RBSN: variants seen among roughly 807,000 people sequenced by gnomAD.
RBSN encodes rabenosyn-5.
RBSN carries 34 observed loss-of-function variants against 60.5 expected under a neutral mutation model. The observed-to-expected ratio is 0.56, with a 90% CI of 0.43 to 0.75. RBSN has a LOEUF of 0.75. RBSN is among the 30% of genes least tolerant of loss of function. RBSN has a pLI of 0.00. For missense variants in RBSN, 845 were observed against 986.8 expected (o/e 0.86, Z 1.92); for synonymous variants, 322 against 366.9 (o/e 0.88, Z 1.40).
chr3:15,081,206 G>C (rs1351471951), intron 9 of RBSN: 2 of 163,404 alleles, frequency 1.2e-5, no homozygotes, highest in Non-Finnish European at 2.7e-5. Flanking sequence ...GTAGAGACGA[G>C]GTTTTGCCAT....
intron 6 of RBSN, 33 bp downstream of exon 6, chr3:15,085,828 T>C: frequency 6.5e-7 from 1 of 1,534,414 alleles, no homozygotes; most frequent in Non-Finnish European, 9.0e-7. Flanking sequence ...TGTGTATTTG[T>C]AGAAAAAAAT....
At position 15,077,842 on chromosome 3, in the gene RBSN, G is replaced by T. The variant is rs535287264; in HGVS notation, c.998+233C>A. On this transcript the variant is annotated intron_variant, in intron 11 of 13. Coordinates refer to ENST00000253699, the MANE Select transcript of RBSN (RefSeq NM_022340.4). This position sits in a 1 kb window ranked among gnomAD's most constrained non-coding sequence, Gnocchi z 4.4. ...ACAGCCAGTGACTGGCAGGTGATAG[G>T]TGTCAATAACCAGCTCCTCTTTCTT... 6.6e-6 allele frequency among the ~76,000 whole-genome samples: 1 copy of T among 152,334 alleles called. No homozygotes were observed. Among genetic ancestry groups the T allele is most frequent in the East Asian group, 1.9e-4 (1 of 5,192 alleles).
Position 15,073,574 on chromosome 3 carries a change from T to G in RBSN, c.*208A>C. 1 of 508,854 alleles carries G rather than the reference T, an allele frequency of 2.0e-6. No individual in the cohort carries two copies. Among genetic ancestry groups the G allele is most frequent in the African/African-American group, 1.9e-5 (1 of 51,872 alleles). 31.5% of individuals were successfully genotyped at this position (508,854 alleles called of 1,614,324 possible). On this transcript the variant is annotated 3_prime_UTR_variant, in exon 14 of 14. Transcript: ENST00000253699. The stretch of plus-strand genomic sequence containing the variant: ...AGGAAAAGCAGCAACTGAATGCTGA[T>G]TCTCCCTGTTCTAGTTTCTATTTTA...
chr3:15,071,477 C>T lies in RBSN; in HGVS notation c.*2305G>A, dbSNP rs1252429910. On this transcript the variant is annotated 3_prime_UTR_variant, in exon 14 of 14. Transcript: ENST00000253699. Reference sequence around the variant, plus strand: ...CTGTACCAGGCAACATCTTAGATGCCTGGTTGCCAACTTCTCAAAACAACC... The same window carrying T: ...CTGTACCAGGCAACATCTTAGATGCTTGGTTGCCAACTTCTCAAAACAACC... 4 of 152,194 alleles carry T rather than the reference C, an allele frequency of 2.6e-5. No homozygotes were observed. Among genetic ancestry groups the T allele is most frequent in the Admixed American group, 2.6e-4 (4 of 15,280 alleles). The allele number at this position is 152,194 out of a possible 1,614,324, so 9.4% of individuals were successfully genotyped here.
rs768648857 is a variant in RBSN at position 15,096,015 on chromosome 3, C to G, written c.106G>C (p.Glu36Gln). The change falls in exon 4 of 14, where the codon GAA (glutamate) becomes CAA (glutamine). Residue 36 changes from glutamate (E) to glutamine (Q), a missense_variant. Transcript: ENST00000253699. ...FYQLHSHYEEEHSGEDRDVKG... is the reference protein window; with the variant it reads ...FYQLHSHYEEQHSGEDRDVKG... ...ACATCACGGTCTTCCCCTGAGTGTTCTTCCTCGTAATGTGAGTGAAGCTGA... is the reference window on the plus strand; with the variant it reads ...ACATCACGGTCTTCCCCTGAGTGTTGTTCCTCGTAATGTGAGTGAAGCTGA... The G allele has an allele frequency of 2.5e-6, 4 of 1,614,194 alleles. No individual in the cohort carries two copies. The Admixed American group carries it at 6.7e-5, about 27-fold the overall frequency.
chr3:15,095,024 T>TTG lies in RBSN; in HGVS notation c.148+947_148+948dup, dbSNP rs752017388. Among the ~76,000 whole-genome samples the TTG allele has an allele frequency of 8.6e-4, 126 of 146,530 alleles. 1 individual carries two copies. The highest frequency in any genetic ancestry group is 2.8e-3 in the African/African-American group (111 of 39,500). The stretch of plus-strand genomic sequence containing the variant: ...AGCAGCATCTTTGGCGTGTGTGTGT[T>TTG]TGTGTGTGTGTGTGTCTCTCTCTCT... On this transcript the variant is annotated intron_variant, in intron 4 of 13. Transcript: ENST00000253699.
At chr3:15,086,482 T>G (rs1176239970) in intron 5 of RBSN, among the ~76,000 whole-genome samples, 3 of 152,182 alleles carry the variant, frequency 2.0e-5, no homozygotes, top group Non-Finnish European at 1.5e-5. Context: ...TGCCACACAC[T>G]GTGTAACCTT....
chr3:15,073,898 T>C lies in RBSN; in HGVS notation c.2239A>G (p.Lys747Glu). ...TGCTTGGCATCAAAGATGTATGCCT[T>C]GATGTTATCGATCTGCTGCAGGAGG... ...ELLLQQIDNI[K>E]AYIFDAKQCG... The change falls in exon 14 of 14, where the codon AAG becomes GAG. Residue 747 changes from lysine to glutamate, a missense_variant. Transcript: ENST00000253699. 2 of 1,614,100 alleles carry C rather than the reference T, an allele frequency of 1.2e-6. No homozygotes were observed. Among genetic ancestry groups the C allele is most frequent in the Non-Finnish European group, 1.7e-6 (2 of 1,180,008 alleles).
chr3:15,087,067 A>T (rs1374721379), intron 5 of RBSN, among the ~76,000 whole-genome samples: 3 of 152,200 alleles, frequency 2.0e-5, no homozygotes, highest in Non-Finnish European at 2.9e-5. Context: ...GCATATATTC[A>T]CCGTGTACAA....
Position 15,074,859 on chromosome 3 carries a change from C to G in RBSN, c.1278G>C (p.Glu426Asp), listed in dbSNP as rs1475812113. 1.9e-6 allele frequency: 3 copies of G among 1,614,044 alleles called. No individual in the cohort carries two copies. Among genetic ancestry groups the G allele is most frequent in the Non-Finnish European group, 2.5e-6 (3 of 1,180,054 alleles). The stretch of plus-strand genomic sequence containing the variant: ...CAGGGCCCCTGCGGAGAGATGCCAC[C>G]TCCCCGTTGGCCGCTCGAGAAGCCA... ...SGLASRAANG[E>D]VASLRRGPAP... The change falls in exon 14 of 14, where the codon GAG (glutamate) becomes GAC (aspartate). Residue 426 changes from glutamate (E) to aspartate (D), a missense_variant. Physicochemically the swap from Glu to Asp is conservative, Grantham distance 45. Transcript: ENST00000253699. This position sits in a 1 kb window ranked among gnomAD's most constrained non-coding sequence, Gnocchi z 6.4.
intron 4 of RBSN, chr3:15,091,246 ATACCTCAG>A: frequency 8.5e-5 from 38 of 445,500 alleles, no homozygotes; most frequent in Non-Finnish European, 9.8e-5. Context: ...AATTAAAACT[ATACCTCAG>A]TTAAAATAAT....
chr3:15,091,462 T>C lies in RBSN; in HGVS notation c.149-923A>G, dbSNP rs2043515370. 2.3e-6 allele frequency: 3 copies of C among 1,286,546 alleles called. No individual in the cohort carries two copies. In the South Asian group the frequency reaches 3.7e-5, roughly 16 times the overall value. 79.7% of individuals were successfully genotyped at this position (1,286,546 alleles called of 1,614,324 possible). A position where few individuals can be genotyped will look rare whatever the true frequency, so the allele number is the denominator to read the frequency against. ...ACTTATTGAATGCATGTGAGAATAC[T>C]TGCAAAAAGCTTCAAGAAACAGATA... On this transcript the variant is annotated intron_variant, in intron 4 of 13. Transcript: ENST00000253699.
intron 2 of RBSN, among the ~76,000 whole-genome samples, chr3:15,097,549 A>G (rs991399027): frequency 1.3e-5 from 2 of 151,356 alleles, no homozygotes; most frequent in African/African-American, 4.9e-5. Context: ...TAAATAAATA[A>G]ATTGATTTGG....
Position 15,084,075 on chromosome 3 carries a change from A to G in RBSN, c.598+660T>C, listed in dbSNP as rs1416797195. ...AGTCCAGCCTCCAGGCTGTTTCTAT[A>G]TGGCTCTCAAACTAAGTATAATTTT... On this transcript the variant is annotated intron_variant, in intron 8 of 13. Coordinates refer to ENST00000253699, the MANE Select transcript of RBSN (RefSeq NM_022340.4). This position sits in a 1 kb window ranked among gnomAD's most constrained non-coding sequence, Gnocchi z 4.2. Among the ~76,000 whole-genome samples, 2 of 152,194 alleles carry G rather than the reference A, an allele frequency of 1.3e-5. No homozygotes were observed. Among genetic ancestry groups the G allele is most frequent in the African/African-American group, 2.4e-5 (1 of 41,452 alleles).
Position 15,074,262 on chromosome 3 carries a change from T to C in RBSN, c.1875A>G (p.Leu625=). Residue 625 remains leucine, a synonymous_variant, in exon 14 of 14, where the codon TTA becomes TTG. Coordinates refer to ENST00000253699, the MANE Select transcript of RBSN (RefSeq NM_022340.4). The surrounding 1 kb of genome is among the most constrained non-coding windows in gnomAD (Gnocchi z 6.4). ...SMPQQHEGPS[L]NPFDEEDLSS... is the part of the protein sequence containing the mutation. ...AGAGGTCTTCCTCATCAAAGGGGTT[T>C]AAGGAGGGCCCCTCATGTTGCTGTG... is the stretch of plus-strand genomic sequence containing the variant. 1.9e-6 allele frequency: 3 copies of C among 1,612,496 alleles called. No homozygotes were observed. The highest frequency in any genetic ancestry group is 1.7e-6 in the Non-Finnish European group (2 of 1,179,248).
Position 15,073,925 on chromosome 3 carries a change from G to A in RBSN, c.2212C>T (p.Leu738Phe). The change falls in exon 14 of 14, where the codon CTC becomes TTC. Residue 738 changes from leucine to phenylalanine, a missense_variant. Leu to Phe is a conservative substitution (Grantham distance 22, BLOSUM62 0). Transcript: ENST00000253699. Reference sequence around the variant, plus strand: ...ATGTTATCGATCTGCTGCAGGAGGAGCTCTTCCTCTATGGGCTCCTCAGCC... The same window carrying A: ...ATGTTATCGATCTGCTGCAGGAGGAACTCTTCCTCTATGGGCTCCTCAGCC... Reference protein sequence around the residue: ...PEAEEPIEEELLLQQIDNIKA... With the variant: ...PEAEEPIEEEFLLQQIDNIKA... The A allele has an allele frequency of 1.2e-6, 2 of 1,614,092 alleles. No individual in the cohort carries two copies. The highest frequency in any genetic ancestry group is 1.7e-6 in the Non-Finnish European group (2 of 1,180,012).
chr3:15,095,952 G>C, intron 4 of RBSN, 21 bp downstream of exon 4: 1 of 1,614,226 alleles, frequency 6.2e-7, no homozygotes, highest in Non-Finnish European at 8.5e-7. Flanking sequence ...GCAGGGGATA[G>C]GCAAGGTCCT....
chr3:15,097,340 C>T (rs2043687248), intron 2 of RBSN, among the ~76,000 whole-genome samples: 1 of 151,986 alleles, frequency 6.6e-6, no homozygotes, highest in African/African-American at 2.4e-5. Flanking sequence ...TATGGTGAAA[C>T]CCTATCTCTA....
rs1322596978 is a variant in RBSN at position 15,084,559 on chromosome 3, G to T, written c.598+176C>A. ...CCTGTTATAGACCACTGTATCCCTGGCCCCTAGCATAGTACCTAGTCTGTA... is the reference window on the plus strand; with the variant it reads ...CCTGTTATAGACCACTGTATCCCTGTCCCCTAGCATAGTACCTAGTCTGTA... On this transcript the variant is annotated intron_variant, in intron 8 of 13. Coordinates refer to ENST00000253699, the MANE Select transcript of RBSN (RefSeq NM_022340.4). The surrounding 1 kb of genome is among the most constrained non-coding windows in gnomAD (Gnocchi z 4.2). 6.6e-6 allele frequency among the ~76,000 whole-genome samples: 1 copy of T among 152,150 alleles called. No homozygotes were observed. Among genetic ancestry groups the T allele is most frequent in the African/African-American group, 2.4e-5 (1 of 41,410 alleles).
Sources: allele counts gnomAD v4.1 joint callset (sites outside exome capture counted in the v4.1 genomes callset), GRCh38; gene constraint gnomAD v4.1.1; non-coding constraint Gnocchi (gnomAD v3.1); transcripts MANE v1.5; gene names NCBI Gene and HGNC (gene_info 2026-07-23, HGNC 2026-07-21).